FAF2: variants seen among roughly 807,000 people sequenced by gnomAD.
FAF2 encodes FAS-associated factor 2.
A neutral mutation model predicts 62.3 loss-of-function variants in FAF2; 9 were observed. The observed-to-expected ratio is 0.14, with a 90% confidence interval of 0.09 to 0.25. The LOEUF (loss-of-function observed/expected upper bound fraction) is 0.25. Ranked by LOEUF, FAF2 falls within the 10% of genes least tolerant of loss-of-function variation. FAF2 has a pLI of 1.00. For missense variants in FAF2, 368 were observed against 556.2 expected (o/e 0.66, Z 3.40); for synonymous variants, 202 against 198.0 (o/e 1.02, Z -0.17).
intron 1 of FAF2, among the ~76,000 whole-genome samples, chr5:176,461,638 T>G (rs959438327): frequency 1.3e-5 from 2 of 152,014 alleles, no homozygotes; most frequent in Admixed American, 1.3e-4. Context: ...TTTGCCAGTT[T>G]TTTTTTAATG....
intron 1 of FAF2, among the ~76,000 whole-genome samples, chr5:176,472,362 G>A (rs886823596): frequency 6.6e-6 from 1 of 151,582 alleles, no homozygotes; most frequent in South Asian, 2.1e-4. Context: ...GGTCAGTCTG[G>A]TCTCGAACTC....
chr5:176,489,790 A>G (rs578099565), intron 4 of FAF2, among the ~76,000 whole-genome samples: 1 of 152,214 alleles, frequency 6.6e-6, no homozygotes, highest in Non-Finnish European at 1.5e-5. Context: ...CAAGTGATCC[A>G]CCTGCCTTGG....
At chr5:176,471,559 T>A (rs1758570238) in intron 1 of FAF2, among the ~76,000 whole-genome samples, 1 of 151,792 alleles carries the variant, frequency 6.6e-6, no homozygotes, top group Non-Finnish European at 1.5e-5. Context: ...ATTTTTGTAT[T>A]TTTAGTAGAG....
At position 176,476,625 on chromosome 5, in the gene FAF2, C is replaced by T. The variant is rs1330380478; in HGVS notation, c.64-2563C>T. ...CTGGGGAAGATGGTAAGATTAGAGT[C>T]CCTTTTTTTTTTTTTTTTTTTTTTT... On this transcript the variant is annotated intron_variant, in intron 1 of 10. Coordinates refer to ENST00000261942, the MANE Select transcript of FAF2 (RefSeq NM_014613.3). Among the ~76,000 whole-genome samples, 4 of 140,204 alleles carry T rather than the reference C, an allele frequency of 2.9e-5. No individual in the cohort carries two copies. In the East Asian group the frequency reaches 8.5e-4, roughly 30 times the overall value. The allele number at this position is 140,204 out of a possible 152,430, so 92.0% of individuals were successfully genotyped here.
At chr5:176,483,453 T>C (rs761860227) in intron 2 of FAF2, among the ~76,000 whole-genome samples, 4 of 152,236 alleles carry the variant, frequency 2.6e-5, no homozygotes, top group Admixed American at 6.5e-5. Flanking sequence ...TAGTGTGATC[T>C]AGGGGTTAAT....
chr5:176,457,653 G>GGTGTGTGTGTGT (rs34549094), intron 1 of FAF2, among the ~76,000 whole-genome samples: 1 of 149,986 alleles, frequency 6.7e-6, no homozygotes. Context: ...TGTTTTCAGG[G>GGTGTGTGTGTGT]GTGTGTGTGT....
At chr5:176,484,386 G>A (rs375892753) in intron 2 of FAF2, among the ~76,000 whole-genome samples, 6 of 152,182 alleles carry the variant, frequency 3.9e-5, no homozygotes, top group Non-Finnish European at 7.3e-5. Context: ...TACCCGGAAC[G>A]TGAATTATCC....
At chr5:176,462,432 T>TG (rs141658971) in intron 1 of FAF2, among the ~76,000 whole-genome samples, 1,910 of 152,008 alleles carry the variant, frequency 0.013, 44 homozygotes, top group African/African-American at 0.044. Context: ...GAGACCATCC[T>TG]GGCCAACATG....
At position 176,507,752 on chromosome 5, in the gene FAF2, T is replaced by C. The variant is rs1173993106; in HGVS notation, c.*802T>C. On this transcript the variant is annotated 3_prime_UTR_variant, in exon 11 of 11. Coordinates refer to ENST00000261942, the MANE Select transcript of FAF2 (RefSeq NM_014613.3). ...TTGGAGCAGTGGGAGGAAATCTGGG[T>C]TTGTGGCCCCACAAAGGCTGTATAT... 1 of 152,864 alleles carries C rather than the reference T, an allele frequency of 6.5e-6. No homozygotes were observed. Among genetic ancestry groups the C allele is most frequent in the Non-Finnish European group, 1.5e-5 (1 of 68,302 alleles). 9.5% of individuals were successfully genotyped at this position (152,864 alleles called of 1,614,324 possible). A position where few individuals can be genotyped will look rare whatever the true frequency, so the allele number is the denominator to read the frequency against.
Position 176,483,940 on chromosome 5 carries a change from C to T in FAF2, c.133-2415C>T, listed in dbSNP as rs551229243. On this transcript the variant is annotated intron_variant, in intron 2 of 10. Coordinates refer to ENST00000261942, the MANE Select transcript of FAF2 (RefSeq NM_014613.3). ...AAATACAAAAATTAGCTGTGTGTGG[C>T]GGTGCGTGCCTGTAATCCCAGTTAC... is the stretch of plus-strand genomic sequence containing the variant. 7.9e-5 allele frequency among the ~76,000 whole-genome samples: 12 copies of T among 151,836 alleles called. No individual in the cohort carries two copies. In the South Asian group the frequency reaches 8.3e-4, roughly 11 times the overall value.
At chr5:176,487,052 T>G (rs1020807843) in intron 3 of FAF2, among the ~76,000 whole-genome samples, 4 of 152,222 alleles carry the variant, frequency 2.6e-5, no homozygotes, top group African/African-American at 9.6e-5. Flanking sequence ...TTCTTTTTCT[T>G]ACCCCTGGGG....
At chr5:176,452,723 A>G (rs1224258861) in intron 1 of FAF2, among the ~76,000 whole-genome samples, 12 of 152,262 alleles carry the variant, frequency 7.9e-5, no homozygotes, top group Non-Finnish European at 1.2e-4. Flanking sequence ...CAATAAGACT[A>G]GAAAGGTAAA....
At chr5:176,493,435 G>C (rs915018100) in intron 5 of FAF2, among the ~76,000 whole-genome samples, 10 of 152,184 alleles carry the variant, frequency 6.6e-5, no homozygotes, top group African/African-American at 2.4e-4. Context: ...TCAGGAGCAC[G>C]CACATGCAGG....
At chr5:176,451,670 G>A (rs1364039426) in intron 1 of FAF2, among the ~76,000 whole-genome samples, 1 of 146,684 alleles carries the variant, frequency 6.8e-6, no homozygotes, top group Non-Finnish European at 1.5e-5. Flanking sequence ...CATCTTCTGT[G>A]TAACTTAATG....
At chr5:176,495,874 G>C (rs1282297497) in intron 7 of FAF2, among the ~76,000 whole-genome samples, 1 of 151,960 alleles carries the variant, frequency 6.6e-6, no homozygotes, top group Non-Finnish European at 1.5e-5. Context: ...GTGGAGAAAA[G>C]TTACGTGGGG....
At chr5:176,502,446 G>A (rs1284946017) in intron 10 of FAF2, among the ~76,000 whole-genome samples, 2 of 152,116 alleles carry the variant, frequency 1.3e-5, no homozygotes, top group African/African-American at 2.4e-5. Flanking sequence ...TGGGTGTGGT[G>A]GCATGTGCCT....
chr5:176,459,614 G>A (rs1214714101), intron 1 of FAF2, among the ~76,000 whole-genome samples: 1 of 152,042 alleles, frequency 6.6e-6, no homozygotes, highest in Non-Finnish European at 1.5e-5. Flanking sequence ...TTAGGAACTT[G>A]GCAATTTGAG....
rs140417533 is a variant in FAF2, at chr5:176,459,747, A to G, written c.63+11277A>G. On this transcript the variant is annotated intron_variant, in intron 1 of 10. Transcript: ENST00000261942. ...TTTTTTCTTTCAACTTTCATTTTAG[A>G]TGAGGGGGTACATGTGTGGGTTTGA... Among the ~76,000 whole-genome samples, 392 of 152,176 alleles carry G rather than the reference A, an allele frequency of 2.6e-3. 4 individuals carry two copies. Among genetic ancestry groups the G allele is most frequent in the African/African-American group, 8.7e-3 (362 of 41,536 alleles).
In FAF2 at chr5:176,507,178, T is replaced by G; in HGVS notation, c.*228T>G. ...GTGCGCGCAAGGTTAGCAACAAACG[T>G]ACCCGCTTGGCAAGCCCACCCTTCC... On this transcript the variant is annotated 3_prime_UTR_variant, in exon 11 of 11. Transcript: ENST00000261942. 1 of 363,968 alleles carries G rather than the reference T, an allele frequency of 2.7e-6. No homozygotes were observed. Among genetic ancestry groups the G allele is most frequent in the Non-Finnish European group, 5.3e-6 (1 of 187,790 alleles). The allele number at this position is 363,968 out of a possible 1,614,324, so 22.5% of individuals were successfully genotyped here. A position where few individuals can be genotyped will look rare whatever the true frequency, so the allele number is the denominator to read the frequency against.
Sources: allele counts gnomAD v4.1 joint callset (sites outside exome capture counted in the v4.1 genomes callset), GRCh38; gene constraint gnomAD v4.1.1; transcripts MANE v1.5; gene names NCBI Gene and HGNC (gene_info 2026-07-23, HGNC 2026-07-21).